The following PRDM7 variants were observed in gnomAD, a reference collection of about 807,000 sequenced individuals.
PRDM7 encodes the protein PR/SET domain 7, also known as histone-lysine N-methyltransferase PRDM7.
PRDM7 carries 52 observed loss-of-function variants against 64.3 expected under a neutral mutation model. The observed-to-expected ratio is 0.81, with a 90% CI of 0.65 to 1.02. The LOEUF is 1.02. Ranked by LOEUF, PRDM7 falls within the 50% of genes least tolerant of loss-of-function variation. The pLI is 0.00. For synonymous variants in PRDM7, 192 were observed against 210.1 expected (o/e 0.91, Z 0.74); for missense variants, 574 against 597.1 (o/e 0.96, Z 0.40).
At chr16:90,064,624 G>T (rs1342670998) in intron 5 of PRDM7, among the ~76,000 whole-genome samples, 1 of 143,550 alleles carries the variant, frequency 7.0e-6, no homozygotes, top group Non-Finnish European at 1.5e-5. Flanking sequence ...AGTTTGGCCA[G>T]GCTGGTCTAG....
intron 6 of PRDM7, among the ~76,000 whole-genome samples, chr16:90,063,020 T>C (rs1344012344): frequency 6.6e-6 from 1 of 152,222 alleles, no homozygotes; most frequent in South Asian, 2.1e-4. Context: ...CTCTATATAC[T>C]TGGTCTCATT....
chr16:90,061,347 T>C (rs2151306112), intron 9 of PRDM7, 105 bp downstream of exon 9: 1 of 1,166,512 alleles, frequency 8.6e-7, no homozygotes, highest in African/African-American at 1.5e-5. Flanking sequence ...AAAATAGAAA[T>C]AGGGGATGTG....
At chr16:90,073,826 A>G (rs1223857589) in intron 4 of PRDM7, among the ~76,000 whole-genome samples, 1 of 150,414 alleles carries the variant, frequency 6.6e-6, no homozygotes, top group East Asian at 2.0e-4. Context: ...TCTGTTGCCC[A>G]GGCTGGAGGG....
Position 90,075,235 on chromosome 16 carries a change from C to T in PRDM7, c.193+116G>A. ...GAACAATATTTCCCTCCAGATTTGTCTCCGTGCAAAAGGGAATTGTGGGCA... is the reference window on the plus strand; with the variant it reads ...GAACAATATTTCCCTCCAGATTTGTTTCCGTGCAAAAGGGAATTGTGGGCA... On this transcript the variant is annotated intron_variant, in intron 3 of 10. Coordinates refer to ENST00000449207, the MANE Select transcript of PRDM7 (RefSeq NM_001098173.2). This position sits in a 1 kb window ranked among gnomAD's most constrained non-coding sequence, Gnocchi z 4.3. 2 of 1,562,650 alleles carry T rather than the reference C, an allele frequency of 1.3e-6. No homozygotes were observed. Among genetic ancestry groups the T allele is most frequent in the Non-Finnish European group, 1.8e-6 (2 of 1,137,712 alleles).
At position 90,060,342 on chromosome 16, in the gene PRDM7, T is replaced by A. The variant is rs760864589; in HGVS notation, c.1232A>T (p.Glu411Val). 5.6e-6 allele frequency: 9 copies of A among 1,613,852 alleles called. No homozygotes were observed. Among genetic ancestry groups the A allele is most frequent in the African/African-American group, 1.3e-5 (1 of 74,918 alleles). Residue 411 changes from glutamate (E) to valine (V), a missense_variant and splice_region_variant, in exon 10 of 11, where the codon GAG becomes GTG. Glu to Val is a moderately radical substitution (Grantham distance 121, BLOSUM62 -2). Transcript: ENST00000449207. ...TAAAAGAGTAATAGTGATGCCTACC[T>A]CTCCCTGCCATGAGCTCTTTCTTCC... ...ASGRKSSWQG[E>V]NQSQRSIHVP... is the part of the protein sequence containing the mutation.
chr16:90,063,391 T>C (rs2037815493), intron 6 of PRDM7, among the ~76,000 whole-genome samples: 1 of 151,524 alleles, frequency 6.6e-6, no homozygotes, highest in Non-Finnish European at 1.5e-5. Context: ...TGAACCGAGA[T>C]CTCACCATTG....
At chr16:90,073,146 C>T (rs537529388) in intron 4 of PRDM7, among the ~76,000 whole-genome samples, 81 of 152,166 alleles carry the variant, frequency 5.3e-4, no homozygotes, top group South Asian at 1.0e-3. Context: ...CTCTCAAACC[C>T]GCTCCAGAAT....
intron 10 of PRDM7, among the ~76,000 whole-genome samples, chr16:90,059,527 C>T (rs759016404): frequency 5.9e-5 from 9 of 152,242 alleles, no homozygotes; most frequent in Non-Finnish European, 1.0e-4. Context: ...CTCTTTCTGG[C>T]CTCAGGACCA....
chr16:90,063,305 G>C (rs951445084), intron 6 of PRDM7, among the ~76,000 whole-genome samples: 1 of 152,146 alleles, frequency 6.6e-6, no homozygotes, highest in Non-Finnish European at 1.5e-5. Context: ...GGGCACGGTG[G>C]TGCACACCTA....
At chr16:90,074,275 T>A (rs1002115568) in intron 4 of PRDM7, among the ~76,000 whole-genome samples, 1 of 89,816 alleles carries the variant, frequency 1.1e-5, no homozygotes, top group Non-Finnish European at 2.5e-5. Flanking sequence ...ATAGTAACAA[T>A]CATCATCGTC....
chr16:90,065,434 A>G (rs895389135), intron 5 of PRDM7, among the ~76,000 whole-genome samples: 16 of 147,500 alleles, frequency 1.1e-4, no homozygotes, highest in Non-Finnish European at 1.8e-4. Context: ...AAGAAAAGAA[A>G]AAAATAATTT....
Position 90,074,931 on chromosome 16 carries a change from T to G in PRDM7, c.286A>C (p.Thr96Pro). The change falls in exon 4 of 11, where the codon ACA becomes CCA. Residue 96 changes from threonine to proline, a missense_variant. Physicochemically the swap from Thr to Pro is conservative, Grantham distance 38. Coordinates refer to ENST00000449207, the MANE Select transcript of PRDM7 (RefSeq NM_001098173.2). ...DDTEDSDEEW[T>P]PRQQVKPPWM... is the part of the protein sequence containing the mutation. ...TCCCTCTTACCTTGCTGCCTAGGTG[T>G]CCATTCTTCATCGGAATCTTCTGTG... The G allele has an allele frequency of 6.2e-7, 1 of 1,614,028 alleles. No individual in the cohort carries two copies. Among genetic ancestry groups the G allele is most frequent in the Non-Finnish European group, 8.5e-7 (1 of 1,179,974 alleles).
At chr16:90,060,771 T>C in intron 9 of PRDM7, 148 bp from the exon 10 acceptor site, 1 of 1,116,092 alleles carries the variant, frequency 9.0e-7, no homozygotes, top group East Asian at 2.4e-5. Flanking sequence ...ACCTCCACCT[T>C]GATTGGCCAT....
chr16:90,071,618 C>T (rs377605654), intron 4 of PRDM7, among the ~76,000 whole-genome samples: 17 of 152,116 alleles, frequency 1.1e-4, no homozygotes, highest in African/African-American at 2.9e-4. Flanking sequence ...CATCGGAACC[C>T]ACTCCTGCAA....
At chr16:90,073,216 C>T (rs774320882) in intron 4 of PRDM7, among the ~76,000 whole-genome samples, 1 of 152,060 alleles carries the variant, frequency 6.6e-6, no homozygotes, top group African/African-American at 2.4e-5. Flanking sequence ...ATGAAATGTA[C>T]ATAAATGATG....
Position 90,060,634 on chromosome 16 carries a change from G to A in PRDM7, c.951-11C>T. On this transcript the variant is annotated splice_polypyrimidine_tract_variant and intron_variant, in intron 9 of 10. Coordinates refer to ENST00000449207, the MANE Select transcript of PRDM7 (RefSeq NM_001098173.2). ...GCACAGTTCACATACCTGGGGTCAA[G>A]GCAGGCAAAGGGAAAGAAAGAGGCA... 6.2e-7 allele frequency: 1 copy of A among 1,613,860 alleles called. No homozygotes were observed. The highest frequency in any genetic ancestry group is 8.5e-7 in the Non-Finnish European group (1 of 1,179,762).
chr16:90,067,698 C>T (rs909118589), intron 4 of PRDM7, among the ~76,000 whole-genome samples: 1 of 147,216 alleles, frequency 6.8e-6, no homozygotes, highest in Non-Finnish European at 1.5e-5. Flanking sequence ...TCAGGCCATT[C>T]TCCTGCCTTA....
chr16:90,062,069 C>T lies in PRDM7; in HGVS notation c.734G>A (p.Gly245Glu), dbSNP rs2037788263. The T allele has an allele frequency of 6.2e-7, 1 of 1,614,114 alleles. No homozygotes were observed. Among genetic ancestry groups the T allele is most frequent in the Admixed American group, 1.7e-5 (1 of 60,008 alleles). The change falls in exon 8 of 11, where the codon GGG becomes GAG. Residue 245 changes from glycine (G) to glutamate (E), a missense_variant. Coordinates refer to ENST00000449207, the MANE Select transcript of PRDM7 (RefSeq NM_001098173.2). ...PNRSALSLPP[G>E]LRIGPSGIPQ... ...GATGCCTGATGGCCCAATTCTCAGC[C>T]CCGGGGGCAGACTGAGGGCTGAACG... is the stretch of plus-strand genomic sequence containing the variant.
Position 90,063,567 on chromosome 16 carries a change from C to G in PRDM7, c.508+45G>C, listed in dbSNP as rs2037818885. ...AGGTAGACCATACTCACCAACCTTTCTAGAGGACATAGAGGGACTAAATTC... is the reference window on the plus strand; with the variant it reads ...AGGTAGACCATACTCACCAACCTTTGTAGAGGACATAGAGGGACTAAATTC... On this transcript the variant is annotated intron_variant, in intron 6 of 10. Transcript: ENST00000449207. The G allele has an allele frequency of 5.0e-6, 8 of 1,603,442 alleles. No homozygotes were observed. In the South Asian group the frequency reaches 8.8e-5, roughly 18 times the overall value.
Sources: gnomAD v4.1 joint callset for allele counts (sites outside exome capture counted in the v4.1 genomes callset) on GRCh38, gnomAD v4.1.1 for gene constraint, Gnocchi (gnomAD v3.1) non-coding constraint, MANE v1.5 for transcripts, NCBI Gene and HGNC (gene_info 2026-07-23, HGNC 2026-07-21) for gene names.